PDGFC: variants seen among roughly 807,000 people sequenced by gnomAD.
PDGFC encodes platelet derived growth factor C, also known as platelet-derived growth factor C.
In PDGFC, 12 loss-of-function variants were observed where a neutral mutation model predicts 35.5. The ratio of observed to expected loss-of-function variants is 0.34; its 90% CI spans 0.22 to 0.55. The LOEUF (loss-of-function observed/expected upper bound fraction) is 0.55, where lower values mean the gene tolerates loss of function less well. Among genes scored for constraint, PDGFC ranks in the 20% least tolerant of loss-of-function variants. PDGFC has a pLI of 0.91. For missense variants in PDGFC, 322 were observed against 412.4 expected, an observed-to-expected ratio of 0.78 and a Z score of 1.90; for synonymous variants, 159 against 148.8, an observed-to-expected ratio of 1.07 and a Z score of -0.50.
intron 2 of PDGFC, among the ~76,000 whole-genome samples, chr4:156,823,690 A>G (rs1405087114): frequency 3.3e-5 from 5 of 152,188 alleles, no homozygotes; most frequent in African/African-American, 1.2e-4. Context: ...GTTCCTCAAA[A>G]AGAGAAAAAT....
rs1023214383 is a variant in PDGFC at position 156,945,508 on chromosome 4, G to A, written c.118+25278C>T. 2.0e-5 allele frequency among the ~76,000 whole-genome samples: 3 copies of A among 151,152 alleles called. No homozygotes were observed. In the East Asian group the frequency reaches 5.9e-4, roughly 30 times the overall value. On this transcript the variant is annotated intron_variant, in intron 1 of 5. Transcript: ENST00000502773. ...AGAAAAAATATAGCTCCTATTTATA[G>A]ATGCTAAGCAACTACTGTCTCTTTT...
At chr4:156,805,127 T>G (rs566386730) in intron 3 of PDGFC, among the ~76,000 whole-genome samples, 1 of 152,046 alleles carries the variant, frequency 6.6e-6, no homozygotes, top group South Asian at 2.1e-4. Context: ...CATGGAGAAG[T>G]GGAATTGAAA....
intron 1 of PDGFC, among the ~76,000 whole-genome samples, chr4:156,924,545 G>A (rs1369323443): frequency 6.6e-6 from 1 of 152,146 alleles, no homozygotes; most frequent in Non-Finnish European, 1.5e-5. Flanking sequence ...CACAGAAGGT[G>A]TCTTAATTTT....
At chr4:156,827,621 T>G (rs1291288537) in intron 2 of PDGFC, among the ~76,000 whole-genome samples, 1 of 152,098 alleles carries the variant, frequency 6.6e-6, no homozygotes, top group Non-Finnish European at 1.5e-5. Flanking sequence ...AATCTTAGTT[T>G]TTTTTTTCTT....
chr4:156,833,771 T>G (rs1023147448), intron 2 of PDGFC, among the ~76,000 whole-genome samples: 1 of 152,210 alleles, frequency 6.6e-6, no homozygotes, highest in Admixed American at 6.5e-5. Flanking sequence ...TAGATAATTT[T>G]TATATCCTCT....
chr4:156,807,524 T>C (rs1378896991), intron 3 of PDGFC, among the ~76,000 whole-genome samples: 2 of 152,070 alleles, frequency 1.3e-5, no homozygotes, highest in Non-Finnish European at 2.9e-5. Flanking sequence ...TTTAACTATA[T>C]GCTCTGTTAT....
chr4:156,793,647 T>A (rs972919356), intron 3 of PDGFC, among the ~76,000 whole-genome samples: 2 of 150,212 alleles, frequency 1.3e-5, no homozygotes, highest in Non-Finnish European at 3.0e-5. Context: ...GGCAAAAAAA[T>A]TTTTTAAATA....
chr4:156,896,245 C>A (rs1730631230), intron 1 of PDGFC, among the ~76,000 whole-genome samples: 1 of 152,158 alleles, frequency 6.6e-6, no homozygotes, highest in Non-Finnish European at 1.5e-5. Context: ...ATAAAAATCA[C>A]TGTTGTTTTG....
At chr4:156,837,125 CA>C in intron 2 of PDGFC, among the ~76,000 whole-genome samples, 1 of 152,252 alleles carries the variant, frequency 6.6e-6, no homozygotes, top group South Asian at 2.1e-4. Flanking sequence ...TATATCTAAA[CA>C]AAACATTGAT....
chr4:156,762,276 T>C lies in PDGFC; in HGVS notation c.*814A>G, dbSNP rs1730397586. ...AGCTAAAAATAGTTGATCTAAGTTG[T>C]CATAAAAAAGAATATTAAATACCTT... On this transcript the variant is annotated 3_prime_UTR_variant, in exon 6 of 6. Transcript: ENST00000502773. The C allele has an allele frequency of 6.6e-6, 1 of 152,580 alleles. No homozygotes were observed. The highest frequency in any genetic ancestry group is 1.5e-5 in the Non-Finnish European group (1 of 68,028). 9.5% of individuals were successfully genotyped at this position (152,580 alleles called of 1,614,324 possible). A position where few individuals can be genotyped will look rare whatever the true frequency, so the allele number is the denominator to read the frequency against.
intron 1 of PDGFC, among the ~76,000 whole-genome samples, chr4:156,891,651 A>G (rs1730513883): frequency 6.6e-6 from 1 of 152,194 alleles, no homozygotes. Flanking sequence ...ACAAATTGAA[A>G]TAACCTCAGA....
Position 156,970,851 on chromosome 4 carries a change from T to C in PDGFC, c.53A>G (p.Gln18Arg), listed in dbSNP as rs902283916. 3.1e-6 allele frequency: 5 copies of C among 1,613,938 alleles called. No homozygotes were observed. In the Admixed American group the frequency reaches 8.3e-5, roughly 27 times the overall value. Reference protein sequence around the residue: ...LLTSALAGQRQGTQAESNLSS... With the variant: ...LLTSALAGQRRGTQAESNLSS... The stretch of plus-strand genomic sequence containing the variant: ...CAGGTTGGATTCCGCCTGAGTCCCC[T>C]GTCTCTGGCCGGCCAGGGCAGATGT... The change falls in exon 1 of 6, where the codon CAG becomes CGG. Residue 18 changes from glutamine to arginine, a missense_variant. This residue lies in a region of PDGFC where 120 missense variants were observed against 116.6 expected (regional missense o/e 1.03). Coordinates refer to ENST00000502773, the MANE Select transcript of PDGFC (RefSeq NM_016205.3).
intron 3 of PDGFC, among the ~76,000 whole-genome samples, chr4:156,810,260 A>G (rs879546899): frequency 1.9e-4 from 29 of 151,916 alleles, no homozygotes; most frequent in Non-Finnish European, 2.9e-4. Flanking sequence ...AGGAACAAAG[A>G]AAATGGAACA....
chr4:156,946,900 C>T (rs1412072297), intron 1 of PDGFC, among the ~76,000 whole-genome samples: 1 of 151,968 alleles, frequency 6.6e-6, no homozygotes, highest in Non-Finnish European at 1.5e-5. Flanking sequence ...ACCCAGTTTA[C>T]TTAGGAATGC....
chr4:156,821,363 G>A (rs1467321321), intron 2 of PDGFC, among the ~76,000 whole-genome samples: 1 of 151,888 alleles, frequency 6.6e-6, no homozygotes, highest in East Asian at 1.9e-4. Flanking sequence ...CCAAGCAGCT[G>A]GGACTACAGG....
At chr4:156,910,063 T>C (rs975107822) in intron 1 of PDGFC, among the ~76,000 whole-genome samples, 2 of 152,136 alleles carry the variant, frequency 1.3e-5, no homozygotes, top group African/African-American at 4.8e-5. Context: ...CCTCAAACTG[T>C]GCAGACAGAA....
In PDGFC at chr4:156,897,350, A is replaced by ATGTGTGTGTGTGTG. The variant is rs70956698; in HGVS notation, c.119-46948_119-46935dup. Among the ~76,000 whole-genome samples, 568 of 143,080 alleles carry ATGTGTGTGTGTGTG rather than the reference A, an allele frequency of 4.0e-3. 4 individuals carry two copies. Among genetic ancestry groups the ATGTGTGTGTGTGTG allele is most frequent in the Admixed American group, 9.4e-3 (136 of 14,424 alleles). The allele number at this position is 143,080 out of a possible 152,430, so 93.9% of individuals were successfully genotyped here. A position where few individuals can be genotyped will look rare whatever the true frequency, so the allele number is the denominator to read the frequency against. Reference sequence around the variant, plus strand: ...AATATGAGAGAGTGTGTGAGAGTGTATGTGTGTGTGTGTGTGTGTGTGTGT... The same window carrying ATGTGTGTGTGTGTG: ...AATATGAGAGAGTGTGTGAGAGTGTATGTGTGTGTGTGTGTGTGTGTGTGTGTGTGTGTGTGTGT... On this transcript the variant is annotated intron_variant, in intron 1 of 5. Coordinates refer to ENST00000502773, the MANE Select transcript of PDGFC (RefSeq NM_016205.3).
At chr4:156,814,322 A>C (rs1331073132) in intron 2 of PDGFC, among the ~76,000 whole-genome samples, 1 of 152,144 alleles carries the variant, frequency 6.6e-6, no homozygotes, top group East Asian at 1.9e-4. Flanking sequence ...AAGATCCTTT[A>C]ACAAAAGCAT....
At position 156,760,652 on chromosome 4, in the gene PDGFC, A is replaced by G. The variant is rs1730355171; in HGVS notation, c.*2438T>C. ...TGTGTGTGTGTGTTTAGTAAAATAC[A>G]CAGGACGATCTATGAGTAAGTGATT... is the stretch of plus-strand genomic sequence containing the variant. On this transcript the variant is annotated 3_prime_UTR_variant, in exon 6 of 6. Coordinates refer to ENST00000502773, the MANE Select transcript of PDGFC (RefSeq NM_016205.3). 1 of 152,130 alleles carries G rather than the reference A, an allele frequency of 6.6e-6. No individual in the cohort carries two copies. The highest frequency in any genetic ancestry group is 2.4e-5 in the African/African-American group (1 of 41,416). The allele number at this position is 152,130 out of a possible 1,614,324, so 9.4% of individuals were successfully genotyped here. A position where few individuals can be genotyped will look rare whatever the true frequency, so the allele number is the denominator to read the frequency against.
Sources: allele counts gnomAD v4.1 joint callset (sites outside exome capture counted in the v4.1 genomes callset), GRCh38; gene constraint gnomAD v4.1.1; regional missense constraint gnomAD v4.1.1; transcripts MANE v1.5; gene names NCBI Gene and HGNC (gene_info 2026-07-23, HGNC 2026-07-21).